The following PRR5L variants were observed in gnomAD, a reference collection of about 807,000 sequenced individuals.
The protein encoded by PRR5L is proline-rich protein 5-like.
PRR5L carries 21 observed loss-of-function variants against 36.4 expected under a neutral mutation model. The observed-to-expected ratio is 0.58, with a 90% CI of 0.41 to 0.83. The LOEUF (loss-of-function observed/expected upper bound fraction) is 0.83. Ranked by LOEUF, PRR5L falls within the 40% of genes least tolerant of loss-of-function variation. PRR5L has a pLI of 0.00. For missense variants in PRR5L, 381 were observed against 473.3 expected (o/e 0.80, Z 1.81); for synonymous variants, 188 against 197.0 (o/e 0.95, Z 0.38).
intron 8 of PRR5L, among the ~76,000 whole-genome samples, chr11:36,451,980 G>C (rs1858954854): frequency 6.6e-6 from 1 of 150,674 alleles, no homozygotes; most frequent in Non-Finnish European, 1.5e-5. Context: ...CAGTGACACT[G>C]CAGTCTAGAT....
intron 1 of PRR5L, among the ~76,000 whole-genome samples, chr11:36,397,429 C>T (rs1857686063): frequency 6.9e-6 from 1 of 145,070 alleles, no homozygotes; most frequent in African/African-American, 2.6e-5. Flanking sequence ...TCATGTCAGC[C>T]AGGCAGCCGA....
At chr11:36,359,439 C>G (rs1857062046) in intron 1 of PRR5L, among the ~76,000 whole-genome samples, 1 of 152,026 alleles carries the variant, frequency 6.6e-6, no homozygotes, top group African/African-American at 2.4e-5. Context: ...TTACTGGAGT[C>G]TAGGGCATTA....
chr11:36,375,234 C>A (rs1371352516), intron 1 of PRR5L, among the ~76,000 whole-genome samples: 2 of 140,686 alleles, frequency 1.4e-5, no homozygotes, highest in Admixed American at 7.1e-5. Flanking sequence ...GAAACTGTCT[C>A]AAAAAAAAAA....
At chr11:36,461,984 T>C (rs507639) in intron 8 of PRR5L, among the ~76,000 whole-genome samples, 151,835 of 152,276 alleles carry the variant, frequency 1, 75,703 homozygotes, top group East Asian at 1. Context: ...TTTGGAATGC[T>C]CAGGTCCTCA....
At position 36,298,831 on chromosome 11, in the gene PRR5L, A is replaced by G. The variant is rs543759523; in HGVS notation, c.-126+2393A>G. Among the ~76,000 whole-genome samples, 4 of 152,246 alleles carry G rather than the reference A, an allele frequency of 2.6e-5. No individual in the cohort carries two copies. In the East Asian group the frequency reaches 7.7e-4, roughly 29 times the overall value. On this transcript the variant is annotated intron_variant, in intron 1 of 8. Transcript: ENST00000530639. ...CTCTGTCCTTGGCTTGTGGATGGCC[A>G]CCTTCTCACTGAGTTCTCACATGGT...
intron 8 of PRR5L, among the ~76,000 whole-genome samples, chr11:36,460,038 A>T (rs1859146690): frequency 6.6e-6 from 1 of 152,202 alleles, no homozygotes; most frequent in Admixed American, 6.5e-5. Flanking sequence ...TTGCCCAGAG[A>T]TGATAACTAG....
At chr11:36,394,901 CAA>C (rs1456645977) in intron 1 of PRR5L, among the ~76,000 whole-genome samples, 2 of 152,316 alleles carry the variant, frequency 1.3e-5, no homozygotes, top group Middle Eastern at 3.4e-3. Context: ...GAGTGAATGG[CAA>C]AGTGACCACT....
chr11:36,358,308 T>C lies in PRR5L; in HGVS notation c.-125-42689T>C, dbSNP rs535157443. 6.6e-5 allele frequency among the ~76,000 whole-genome samples: 10 copies of C among 152,290 alleles called. No homozygotes were observed. The East Asian group carries it at 1.9e-3, about 29-fold the overall frequency. ...GGAAGAATCAATCAATGAGGCTAAC[T>C]TCGTTGTTGTCTTATTTTAAGAAAT... On this transcript the variant is annotated intron_variant, in intron 1 of 8. Coordinates refer to ENST00000530639, the MANE Select transcript of PRR5L (RefSeq NM_001160167.2).
intron 1 of PRR5L, among the ~76,000 whole-genome samples, chr11:36,343,375 C>T (rs949377816): frequency 3.9e-5 from 6 of 152,176 alleles, no homozygotes; most frequent in Non-Finnish European, 8.8e-5. Context: ...TTGTAAGTTC[C>T]TCCATCTAGC....
At chr11:36,341,162 A>G (rs926848882) in intron 1 of PRR5L, among the ~76,000 whole-genome samples, 1 of 152,050 alleles carries the variant, frequency 6.6e-6, no homozygotes, top group Non-Finnish European at 1.5e-5. Context: ...ATCCTTCCTG[A>G]GCCTCCCTGT....
chr11:36,321,776 T>C (rs1488037062), intron 1 of PRR5L, among the ~76,000 whole-genome samples: 5 of 151,988 alleles, frequency 3.3e-5, no homozygotes, highest in Non-Finnish European at 7.4e-5. Flanking sequence ...CACTGTGGAG[T>C]CTAGATGAAG....
intron 1 of PRR5L, among the ~76,000 whole-genome samples, chr11:36,357,833 C>T (rs183542424): frequency 1.5e-3 from 234 of 152,348 alleles, no homozygotes; most frequent in African/African-American, 5.5e-3. Flanking sequence ...ATCCGTTCTG[C>T]AGCCCAGGGA....
At chr11:36,427,689 T>C (rs1216964797) in intron 4 of PRR5L, among the ~76,000 whole-genome samples, 1 of 152,176 alleles carries the variant, frequency 6.6e-6, no homozygotes, top group Non-Finnish European at 1.5e-5. Flanking sequence ...AGTTGGCCTA[T>C]CTTTAGGTGA....
At chr11:36,353,737 A>G (rs1270756729) in intron 1 of PRR5L, among the ~76,000 whole-genome samples, 3 of 152,206 alleles carry the variant, frequency 2.0e-5, no homozygotes, top group Non-Finnish European at 4.4e-5. Flanking sequence ...TAAGAATTTA[A>G]TGCTGCAGCT....
At position 36,462,436 on chromosome 11, in the gene PRR5L, GA is replaced by G; in HGVS notation, c.808del (p.Thr270ProfsTer3). 1.2e-6 allele frequency: 2 copies of G among 1,602,690 alleles called. No individual in the cohort carries two copies. Among genetic ancestry groups the G allele is most frequent in the Non-Finnish European group, 1.7e-6 (2 of 1,173,954 alleles). ...GCCGGCCACTGAATGAGATGGTCTTGACCCCACTGACAGAGCAGGAGGGGGA... is the reference window on the plus strand; with the variant it reads ...GCCGGCCACTGAATGAGATGGTCTTGCCCCACTGACAGAGCAGGAGGGGGA... ...VSRPLNEMVL[T>X]PLTEQEGEAY... On this transcript the variant is annotated frameshift_variant, in exon 9 of 9. Transcript: ENST00000530639. LOFTEE classifies it high-confidence loss of function.
intron 2 of PRR5L, 38 bp downstream of exon 2, chr11:36,401,323 A>C: frequency 6.3e-7 from 1 of 1,597,478 alleles, no homozygotes; most frequent in Non-Finnish European, 8.5e-7. Context: ...GAGGGCTGCC[A>C]AGGGCCATGG....
intron 1 of PRR5L, among the ~76,000 whole-genome samples, chr11:36,353,011 A>T (rs1856991495): frequency 6.6e-6 from 1 of 152,200 alleles, no homozygotes; most frequent in South Asian, 2.1e-4. Context: ...GTTCTTACAG[A>T]CAGAGTCTTG....
chr11:36,326,336 C>CACAG (rs1491015188), intron 1 of PRR5L, among the ~76,000 whole-genome samples: 1 of 149,998 alleles, frequency 6.7e-6, no homozygotes, highest in Non-Finnish European at 1.5e-5. Flanking sequence ...CACACACACA[C>CACAG]AGGCAAACCA....
intron 1 of PRR5L, among the ~76,000 whole-genome samples, chr11:36,326,446 C>CA (rs373313036): frequency 2.0e-5 from 3 of 151,918 alleles, no homozygotes; most frequent in Admixed American, 6.5e-5. Context: ...CAGTTTTCTC[C>CA]AAAAAAATCT....
Sources: allele counts gnomAD v4.1 joint callset (sites outside exome capture counted in the v4.1 genomes callset), GRCh38; gene constraint gnomAD v4.1.1; transcripts MANE v1.5; gene names NCBI Gene and HGNC (gene_info 2026-07-23, HGNC 2026-07-21).